The following LINC00632 variants were observed in gnomAD, a reference collection of about 807,000 sequenced individuals.
LINC00632 encodes ALDOA related specific transcript.
At chrX:140,738,893 C>CT (rs1290611245) in intron 3 of LINC00632, among the ~76,000 whole-genome samples, 1 of 111,812 alleles carries the variant, frequency 8.9e-6, no homozygotes, top group African/African-American at 3.2e-5. Flanking sequence ...GGAAATCTCT[C>CT]TAAGTTTCCC....
rs772964521 is a variant in LINC00632, at chrX:140,768,768, ATATAT to A, written n.192-3304_192-3300del. Among the ~76,000 whole-genome samples, 75 of 100,181 alleles carry A rather than the reference ATATAT, an allele frequency of 7.5e-4. 1 individual carries two copies. The highest frequency in any genetic ancestry group is 5.0e-3 in the Middle Eastern group (1 of 199). 87.0% of individuals were successfully genotyped at this position (100,181 alleles called of 115,157 possible). Reference sequence around the variant, plus strand: ...TAACATATTTATCATATATAATAAAATATATTATATATATTTGTATATGTATAGAT... The same window carrying A: ...TAACATATTTATCATATATAATAAAATATATATATTTGTATATGTATAGAT... On this transcript the variant is annotated intron_variant and non_coding_transcript_variant, in intron 3 of 4. Transcript: ENST00000648200.
chrX:140,785,408 A>G (rs1932005042), exon 5 of LINC00632, among the ~76,000 whole-genome samples: 1 of 112,277 alleles, frequency 8.9e-6, no homozygotes, highest in Non-Finnish European at 1.9e-5. Context: ...CTACTAAATA[A>G]TGGAGCCAGA....
intron 3 of LINC00632, among the ~76,000 whole-genome samples, chrX:140,760,094 C>T (rs1320501725): frequency 8.9e-6 from 1 of 112,025 alleles, no homozygotes; most frequent in Non-Finnish European, 1.9e-5. Flanking sequence ...CTAGTAACAG[C>T]ATCCTGGGAT....
At chrX:140,711,814 T>A (rs1336051181) in intron 2 of LINC00632, 1 of 154,606 alleles carries the variant, frequency 6.5e-6, no homozygotes, top group Admixed American at 8.9e-5. Flanking sequence ...ATGTTAGATT[T>A]CCATATCTGA....
intron 3 of LINC00632, among the ~76,000 whole-genome samples, chrX:140,741,381 A>G (rs1044845088): frequency 3.6e-5 from 4 of 112,073 alleles, no homozygotes; most frequent in Admixed American, 9.5e-5. Flanking sequence ...TAAAATTTCA[A>G]GAGTCCAACC....
exon 5 of LINC00632, among the ~76,000 whole-genome samples, chrX:140,785,848 CT>C (rs1338389691): frequency 8.9e-6 from 1 of 111,856 alleles, no homozygotes; most frequent in Non-Finnish European, 1.9e-5. Context: ...CAGTTTGCAC[CT>C]TACTATGTGG....
chrX:140,760,346 G>A (rs1450392137), intron 3 of LINC00632, among the ~76,000 whole-genome samples: 3 of 112,047 alleles, frequency 2.7e-5, no homozygotes, highest in African/African-American at 9.7e-5. Context: ...TAGGTTCAGA[G>A]GTGAGTGTGT....
intron 3 of LINC00632, among the ~76,000 whole-genome samples, chrX:140,739,380 C>T (rs746312518): frequency 1.8e-5 from 2 of 109,681 alleles, no homozygotes; most frequent in South Asian, 4.0e-4. Flanking sequence ...CCACCACGCC[C>T]GGCTAATTTT....
chrX:140,775,993 A>G (rs891353034), exon 5 of LINC00632, among the ~76,000 whole-genome samples: 1 of 112,040 alleles, frequency 8.9e-6, no homozygotes, highest in African/African-American at 3.2e-5. Flanking sequence ...TGAACAGGCA[A>G]CCAAAAGAAT....
intron 2 of LINC00632, among the ~76,000 whole-genome samples, chrX:140,718,152 G>A (rs1029581246): frequency 9.1e-6 from 1 of 110,380 alleles, no homozygotes; most frequent in Non-Finnish European, 1.9e-5. Context: ...AAAAAAAAGA[G>A]GAATAAATGA....
At chrX:140,727,337 G>A (rs1466925211) in intron 2 of LINC00632, among the ~76,000 whole-genome samples, 2 of 111,899 alleles carry the variant, frequency 1.8e-5, no homozygotes, top group Admixed American at 1.9e-4. Context: ...TGTTGCCCAG[G>A]CCGGAGCGCA....
At chrX:140,738,634 A>G (rs902530886) in intron 3 of LINC00632, among the ~76,000 whole-genome samples, 6 of 112,354 alleles carry the variant, frequency 5.3e-5, no homozygotes, top group African/African-American at 1.9e-4. Flanking sequence ...GTACAAACAG[A>G]TATGCTGTAA....
At chrX:140,786,185 A>G (rs1238870821) in exon 5 of LINC00632, among the ~76,000 whole-genome samples, 1 of 112,546 alleles carries the variant, frequency 8.9e-6, no homozygotes, top group Non-Finnish European at 1.9e-5. Context: ...AATGCCAATT[A>G]AAATAGAAAT....
At chrX:140,732,779 T>TC (rs1353497691) in intron 2 of LINC00632, among the ~76,000 whole-genome samples, 1 of 109,508 alleles carries the variant, frequency 9.1e-6, no homozygotes, top group Non-Finnish European at 1.9e-5. Flanking sequence ...TTTTTTTTTT[T>TC]CTGAGACAGA....
intron 2 of LINC00632, among the ~76,000 whole-genome samples, chrX:140,724,914 T>TAC (rs1569348966): frequency 3.5e-4 from 3 of 8,684 alleles, no homozygotes; most frequent in Admixed American, 2.6e-3. Flanking sequence ...ACATTCCATA[T>TAC]ACACATACAC....
intron 2 of LINC00632, among the ~76,000 whole-genome samples, chrX:140,733,062 C>T (rs1026847400): frequency 8.9e-6 from 1 of 112,150 alleles, no homozygotes; most frequent in African/African-American, 3.2e-5. Flanking sequence ...TGCGCCCAGC[C>T]GAGGCTGTGA....
chrX:140,724,207 C>T (rs796668463), intron 2 of LINC00632, among the ~76,000 whole-genome samples: 1 of 28,291 alleles, frequency 3.5e-5, no homozygotes, highest in Non-Finnish European at 8.1e-5. Context: ...GACACACATT[C>T]CATACACAGA....
At chrX:140,723,761 T>C (rs773956946) in intron 2 of LINC00632, among the ~76,000 whole-genome samples, 2 of 1,647 alleles carry the variant, frequency 1.2e-3, no homozygotes, top group African/African-American at 2.3e-3. Context: ...TACACACACA[T>C]ATTCCATACA....
rs746721611 is a variant in LINC00632 at position 140,775,561 on chromosome X, T to C, written n.3580T>C. 1.3e-4 allele frequency among the ~76,000 whole-genome samples: 15 copies of C among 112,196 alleles called. No individual in the cohort carries two copies. The South Asian group carries it at 4.5e-3, about 34-fold the overall frequency. The stretch of plus-strand genomic sequence containing the variant: ...GTCCAAATAACATCGCTGTTGTTTC[T>C]GTCTTAATTGCTGTTTGTGCCGGAT... On this transcript the variant is annotated non_coding_transcript_exon_variant, in exon 5 of 5. Transcript: ENST00000648200.
Sources: allele counts gnomAD v4.1 joint callset (sites outside exome capture counted in the v4.1 genomes callset), GRCh38; gene constraint gnomAD v4.1.1; transcripts MANE v1.5; gene names NCBI Gene and HGNC (gene_info 2026-07-23, HGNC 2026-07-21).